ADGRB3: variants seen among roughly 807,000 people sequenced by gnomAD.
ADGRB3 encodes adhesion G protein-coupled receptor B3.
In ADGRB3, 37 loss-of-function variants were observed where a neutral mutation model predicts 193.4. The observed-to-expected ratio is 0.19, with a 90% CI of 0.15 to 0.25. The LOEUF (loss-of-function observed/expected upper bound fraction) is 0.25. ADGRB3 is among the 10% of genes least tolerant of loss of function. The pLI is 1.00. For synonymous variants in ADGRB3, 690 were observed against 644.2 expected (o/e 1.07, Z -1.08); for missense variants, 1,637 against 1,852.9 (o/e 0.88, Z 2.14).
chr6:68,901,937 G>A (rs1166388996), intron 3 of ADGRB3, among the ~76,000 whole-genome samples: 2 of 152,000 alleles, frequency 1.3e-5, no homozygotes, highest in African/African-American at 4.8e-5. Context: ...TGGGAGAAGT[G>A]GTGACATTGG....
At chr6:69,085,171 G>A (rs1772511706) in intron 17 of ADGRB3, among the ~76,000 whole-genome samples, 1 of 152,084 alleles carries the variant, frequency 6.6e-6, no homozygotes, top group Admixed American at 6.6e-5. Context: ...TGTGTGAAAT[G>A]TACACTTTGC....
intron 3 of ADGRB3, among the ~76,000 whole-genome samples, chr6:68,662,106 T>C (rs1219186335): frequency 6.6e-6 from 1 of 151,108 alleles, no homozygotes; most frequent in East Asian, 2.0e-4. Flanking sequence ...AAATGATGAG[T>C]GTGAGGTTTT....
At chr6:68,958,525 A>C (rs969784732) in intron 8 of ADGRB3, among the ~76,000 whole-genome samples, 1 of 152,172 alleles carries the variant, frequency 6.6e-6, no homozygotes, top group African/African-American at 2.4e-5. Context: ...GAGCCAAGAT[A>C]GTACTGCTGC....
chr6:68,703,742 C>A (rs1311199004), intron 3 of ADGRB3, among the ~76,000 whole-genome samples: 1 of 152,116 alleles, frequency 6.6e-6, no homozygotes, highest in Non-Finnish European at 1.5e-5. Flanking sequence ...CCTGCCTCAG[C>A]CTCCTGAGTA....
chr6:69,377,490 C>T (rs1042295742), intron 30 of ADGRB3, among the ~76,000 whole-genome samples: 2 of 152,068 alleles, frequency 1.3e-5, no homozygotes, highest in South Asian at 2.1e-4. Flanking sequence ...ATCTAGAAGC[C>T]AGCCATAAAG....
At chr6:68,799,616 T>C (rs1303682954) in intron 3 of ADGRB3, among the ~76,000 whole-genome samples, 1 of 152,066 alleles carries the variant, frequency 6.6e-6, no homozygotes, top group Non-Finnish European at 1.5e-5. Flanking sequence ...ATAAAGGAAA[T>C]CAGATCAGAT....
At chr6:69,365,365 C>T (rs1470128165) in intron 29 of ADGRB3, among the ~76,000 whole-genome samples, 1 of 152,068 alleles carries the variant, frequency 6.6e-6, no homozygotes, top group Non-Finnish European at 1.5e-5. Context: ...CCAGGTGCTG[C>T]AACCTCTGGG....
Position 69,065,921 on chromosome 6 carries a change from A to G in ADGRB3, c.2436+2885A>G, listed in dbSNP as rs527458895. Among the ~76,000 whole-genome samples the G allele has an allele frequency of 1.9e-3, 282 of 152,190 alleles. 4 individuals are homozygous for G. The highest frequency in any genetic ancestry group is 5.0e-3 in the Admixed American group (77 of 15,252). On this transcript the variant is annotated intron_variant, in intron 16 of 31. Coordinates refer to ENST00000370598, the MANE Select transcript of ADGRB3 (RefSeq NM_001704.3). ...TAACAATAAAAATACAAATGTAAAA[A>G]TATAGTATAAAAACTATTTACATAG... is the stretch of plus-strand genomic sequence containing the variant.
chr6:68,820,665 T>A (rs1037057088), intron 3 of ADGRB3, among the ~76,000 whole-genome samples: 13 of 152,052 alleles, frequency 8.5e-5, no homozygotes, highest in Admixed American at 2.0e-4. Context: ...CTTCCCAGCC[T>A]CTGGTAACCA....
chr6:69,363,353 T>C (rs1769492928), intron 29 of ADGRB3, among the ~76,000 whole-genome samples: 1 of 152,024 alleles, frequency 6.6e-6, no homozygotes, highest in African/African-American at 2.4e-5. Context: ...GGGTGACTAT[T>C]TTATGAGATA....
intron 3 of ADGRB3, among the ~76,000 whole-genome samples, chr6:68,796,159 T>G (rs1767203041): frequency 6.6e-6 from 1 of 152,152 alleles, no homozygotes; most frequent in African/African-American, 2.4e-5. Context: ...ATCACAGAAA[T>G]GTATTGAATT....
At position 68,639,353 on chromosome 6, in the gene ADGRB3, A is replaced by G; in HGVS notation, c.678A>G (p.Thr226=). 6.2e-7 allele frequency: 1 copy of G among 1,614,096 alleles called. No homozygotes were observed. Among genetic ancestry groups the G allele is most frequent in the Non-Finnish European group, 8.5e-7 (1 of 1,180,044 alleles). ...TGGTGTTACCCCTGAATGAGCAGAC[A>G]GAGGGCTGCCTGACCCAGGAGCTGC... The part of the protein sequence containing the change: ...NNVVLPLNEQ[T]EGCLTQELQT... Residue 226 remains threonine (T), a synonymous_variant, in exon 3 of 32, where the codon ACA becomes ACG. Transcript: ENST00000370598.
At chr6:69,258,087 G>A (rs537786725) in intron 20 of ADGRB3, among the ~76,000 whole-genome samples, 52 of 152,202 alleles carry the variant, frequency 3.4e-4, no homozygotes, top group African/African-American at 1.2e-3. Context: ...TGCAGCTAGC[G>A]ATATAAAGAC....
At chr6:69,350,361 A>G (rs1232663270) in intron 26 of ADGRB3, among the ~76,000 whole-genome samples, 4 of 151,002 alleles carry the variant, frequency 2.6e-5, no homozygotes, top group Non-Finnish European at 5.9e-5. Context: ...ATATCCCAAT[A>G]TTAGTTACAT....
At chr6:68,969,826 C>T (rs545700914) in intron 8 of ADGRB3, among the ~76,000 whole-genome samples, 1 of 152,332 alleles carries the variant, frequency 6.6e-6, no homozygotes, top group South Asian at 2.1e-4. Context: ...GCACTGGTCT[C>T]CTCCACGGCA....
At chr6:69,266,665 C>G (rs571818623) in intron 20 of ADGRB3, among the ~76,000 whole-genome samples, 2 of 151,950 alleles carry the variant, frequency 1.3e-5, no homozygotes, top group Non-Finnish European at 2.9e-5. Flanking sequence ...CAGATATATA[C>G]ACACATACAT....
chr6:69,075,514 T>C (rs1772202464), intron 16 of ADGRB3, among the ~76,000 whole-genome samples: 1 of 152,094 alleles, frequency 6.6e-6, no homozygotes, highest in African/African-American at 2.4e-5. Flanking sequence ...GTTGACAAAC[T>C]CCAGAAATGA....
At chr6:68,716,532 A>G (rs775492322) in intron 3 of ADGRB3, among the ~76,000 whole-genome samples, 9 of 147,110 alleles carry the variant, frequency 6.1e-5, no homozygotes, top group Non-Finnish European at 1.2e-4. Context: ...TTTTTTTCCT[A>G]GAGTTGTAGG....
At chr6:68,893,119 T>C (rs947196547) in intron 3 of ADGRB3, among the ~76,000 whole-genome samples, 8 of 152,128 alleles carry the variant, frequency 5.3e-5, no homozygotes, top group African/African-American at 1.7e-4. Context: ...TTATCATTAC[T>C]ATATAGAAAA....
Sources: allele counts gnomAD v4.1 joint callset (sites outside exome capture counted in the v4.1 genomes callset), GRCh38; gene constraint gnomAD v4.1.1; transcripts MANE v1.5; gene names NCBI Gene and HGNC (gene_info 2026-07-23, HGNC 2026-07-21).